Variants in MS4A4A observed in about 807,000 individuals in gnomAD.
MS4A4A encodes membrane spanning 4-domains A4A.
MS4A4A carries 26 observed loss-of-function variants against 28.0 expected under a neutral mutation model. The ratio of observed to expected loss-of-function variants is 0.93; its 90% CI spans 0.68 to 1.29. The LOEUF (loss-of-function observed/expected upper bound fraction) is 1.29, where lower values mean the gene tolerates loss of function less well. MS4A4A is among the 50% of genes most tolerant of loss of function. MS4A4A has a pLI of 0.00. For missense variants in MS4A4A, 290 were observed against 293.1 expected (o/e 0.99, Z 0.08); for synonymous variants, 86 against 100.8 (o/e 0.85, Z 0.88).
At chr11:60,284,853 G>A (rs368540412) in intron 1 of MS4A4A, among the ~76,000 whole-genome samples, 5 of 151,934 alleles carry the variant, frequency 3.3e-5, no homozygotes, top group East Asian at 1.9e-4. Context: ...ATTTGTACTC[G>A]CAAATTTTGT....
intron 2 of MS4A4A, among the ~76,000 whole-genome samples, chr11:60,292,976 T>C (rs1204423162): frequency 1.3e-5 from 2 of 152,240 alleles, no homozygotes; most frequent in African/African-American, 4.8e-5. Context: ...CATTATTCAT[T>C]TTCTGGAGGG....
intron 5 of MS4A4A, chr11:60,305,672 A>G (rs1590763052): frequency 6.4e-6 from 1 of 155,330 alleles, no homozygotes; most frequent in Admixed American, 6.5e-5. Flanking sequence ...AAAAAGAACA[A>G]TGGTCCCCCA....
chr11:60,296,603 A>C (rs969646515), intron 2 of MS4A4A, among the ~76,000 whole-genome samples: 1 of 152,092 alleles, frequency 6.6e-6, no homozygotes, highest in African/African-American at 2.4e-5. Context: ...TATTCATTCA[A>C]TGCTATATAT....
chr11:60,298,720 C>A (rs551110403), intron 3 of MS4A4A, among the ~76,000 whole-genome samples: 1 of 152,194 alleles, frequency 6.6e-6, no homozygotes, highest in Non-Finnish European at 1.5e-5. Flanking sequence ...AACCAGCTTA[C>A]ATGGTGCAAG....
chr11:60,284,448 G>C (rs1409377621), intron 1 of MS4A4A, among the ~76,000 whole-genome samples: 1 of 152,134 alleles, frequency 6.6e-6, no homozygotes, highest in Non-Finnish European at 1.5e-5. Context: ...AACCTTCTCC[G>C]GTCTTGGGGA....
chr11:60,281,492 TCC>T (rs2084755075), intron 1 of MS4A4A, among the ~76,000 whole-genome samples: 1 of 152,098 alleles, frequency 6.6e-6, no homozygotes, highest in Non-Finnish European at 1.5e-5. Flanking sequence ...AATTCTTGGT[TCC>T]TAGCCCGGGC....
At chr11:60,292,829 G>A (rs1406652530) in intron 2 of MS4A4A, among the ~76,000 whole-genome samples, 1 of 152,082 alleles carries the variant, frequency 6.6e-6, no homozygotes, top group Admixed American at 6.5e-5. Flanking sequence ...TCTCAGATGA[G>A]CATGCCCAAA....
At chr11:60,297,857 G>A (rs1452034238) in intron 3 of MS4A4A, among the ~76,000 whole-genome samples, 1 of 152,136 alleles carries the variant, frequency 6.6e-6, no homozygotes, top group East Asian at 1.9e-4. Flanking sequence ...TTTAGCTCAT[G>A]AGAAACTGAA....
intron 3 of MS4A4A, among the ~76,000 whole-genome samples, chr11:60,298,645 T>C (rs1438251081): frequency 6.6e-6 from 1 of 152,212 alleles, no homozygotes; most frequent in African/African-American, 2.4e-5. Flanking sequence ...ATTTTCAGAA[T>C]TGCATACATC....
Position 60,302,671 on chromosome 11 carries a change from A to G in MS4A4A, c.500A>G (p.Tyr167Cys), listed in dbSNP as rs1242118159. 1 of 1,613,920 alleles carries G rather than the reference A, an allele frequency of 6.2e-7. No homozygotes were observed. The highest frequency in any genetic ancestry group is 8.5e-7 in the Non-Finnish European group (1 of 1,179,834). The change falls in exon 5 of 7, where the codon TAC (tyrosine) becomes TGC (cysteine). Residue 167 changes from tyrosine to cysteine, a missense_variant. Physicochemically the swap from Tyr to Cys is radical, Grantham distance 194 (BLOSUM62 -2). Coordinates refer to ENST00000337908, the MANE Select transcript of MS4A4A (RefSeq NM_148975.3). ...FYSFHHPYCN[Y>C]YGNSNNCHGT... is the part of the protein sequence containing the mutation. ...TCATTCCATCACCCTTACTGTAACT[A>G]CTATGGCAACTCAAATAATTGTCAT... is the stretch of plus-strand genomic sequence containing the variant.
chr11:60,299,885 CATTA>C (rs145872324), intron 3 of MS4A4A, among the ~76,000 whole-genome samples: 5,575 of 152,176 alleles, frequency 0.037, 151 homozygotes, highest in East Asian at 0.14. Context: ...TTCTTAAATT[CATTA>C]ATTGTGTAAA....
intron 1 of MS4A4A, among the ~76,000 whole-genome samples, chr11:60,283,180 C>T (rs2135007381): frequency 6.6e-6 from 1 of 152,268 alleles, no homozygotes; most frequent in South Asian, 2.1e-4. Flanking sequence ...GCAGCCTGGG[C>T]CTCAGCCTCC....
intron 2 of MS4A4A, among the ~76,000 whole-genome samples, chr11:60,295,906 A>G (rs893685034): frequency 6.6e-6 from 1 of 151,908 alleles, no homozygotes; most frequent in Admixed American, 6.6e-5. Context: ...TTTGTTGAGG[A>G]TTTTTGCATA....
intron 1 of MS4A4A, among the ~76,000 whole-genome samples, chr11:60,283,259 G>A (rs981181829): frequency 6.6e-6 from 1 of 152,014 alleles, no homozygotes; most frequent in African/African-American, 2.4e-5. Flanking sequence ...TAGAGATGGG[G>A]TTTCACCATG....
At chr11:60,284,952 AG>A (rs1272738296) in intron 1 of MS4A4A, among the ~76,000 whole-genome samples, 7 of 152,246 alleles carry the variant, frequency 4.6e-5, no homozygotes, top group Admixed American at 1.3e-4. Flanking sequence ...CTGCCCCAGA[AG>A]GGAGAAGAGG....
chr11:60,281,142 A>G (rs2135004770), intron 1 of MS4A4A, among the ~76,000 whole-genome samples: 1 of 152,270 alleles, frequency 6.6e-6, no homozygotes, highest in Admixed American at 6.5e-5. Context: ...GATGTATCAC[A>G]TGCAGAATTT....
chr11:60,301,937 G>A (rs1273150473), intron 4 of MS4A4A, among the ~76,000 whole-genome samples: 3 of 152,114 alleles, frequency 2.0e-5, no homozygotes, highest in African/African-American at 4.8e-5. Context: ...GTGCCACCAC[G>A]CCCAGCTAAT....
At chr11:60,291,289 C>G (rs937315296) in intron 1 of MS4A4A, among the ~76,000 whole-genome samples, 2 of 152,066 alleles carry the variant, frequency 1.3e-5, no homozygotes, top group Admixed American at 6.5e-5. Context: ...ATTTGTGGTG[C>G]CAAGAATATG....
In MS4A4A at chr11:60,292,398, C is replaced by A; in HGVS notation, c.201+14C>A. On this transcript the variant is annotated intron_variant, in intron 2 of 6. Coordinates refer to ENST00000337908, the MANE Select transcript of MS4A4A (RefSeq NM_148975.3). ...AAAGTCCTTGGGGTAAGTTGCAAAT[C>A]TAGGGGAAGACCAATGGTGTTGCAA... 3 of 1,582,950 alleles carry A rather than the reference C, an allele frequency of 1.9e-6. No homozygotes were observed. The highest frequency in any genetic ancestry group is 2.6e-6 in the Non-Finnish European group (3 of 1,166,900).
Sources: gnomAD v4.1 joint callset for allele counts (sites outside exome capture counted in the v4.1 genomes callset) on GRCh38, gnomAD v4.1.1 for gene constraint, MANE v1.5 for transcripts, NCBI Gene and HGNC (gene_info 2026-07-23, HGNC 2026-07-21) for gene names.